The following RPTOR variants were observed in gnomAD, a reference collection of about 807,000 sequenced individuals.
RPTOR encodes the protein regulatory associated protein of MTOR complex 1.
In RPTOR, 21 loss-of-function variants were observed where a neutral mutation model predicts 169.9. That is an observed-to-expected ratio of 0.12 (90% confidence interval 0.09 to 0.18). The LOEUF is 0.18. Among genes scored for constraint, RPTOR ranks in the 10% least tolerant of loss-of-function variants. The pLI, the probability that RPTOR is intolerant of heterozygous loss-of-function variation, is 1.00. For synonymous variants in RPTOR, 732 were observed against 753.2 expected, an observed-to-expected ratio of 0.97 and a Z score of 0.46; for missense variants, 1,133 against 1,855.9, an observed-to-expected ratio of 0.61 and a Z score of 7.16.
At chr17:80,789,987 A>G (rs1161798089) in intron 6 of RPTOR, among the ~76,000 whole-genome samples, 1 of 152,260 alleles carries the variant, frequency 6.6e-6, no homozygotes, top group Non-Finnish European at 1.5e-5. Flanking sequence ...CATAGGACTC[A>G]GATTTGAAAA....
intron 25 of RPTOR, among the ~76,000 whole-genome samples, chr17:80,944,027 C>T (rs1360821335): frequency 2.6e-5 from 4 of 152,236 alleles, no homozygotes; most frequent in Admixed American, 2.6e-4. Flanking sequence ...CCCAGCTGCC[C>T]TTTCAGTCAC....
intron 24 of RPTOR, among the ~76,000 whole-genome samples, chr17:80,930,797 C>T (rs2068888424): frequency 6.6e-6 from 1 of 152,206 alleles, no homozygotes; most frequent in South Asian, 2.1e-4. Flanking sequence ...CTCTGGTGCT[C>T]GCAGTCTCCG....
chr17:80,689,470 G>A (rs2065973391), intron 3 of RPTOR, among the ~76,000 whole-genome samples: 1 of 152,226 alleles, frequency 6.6e-6, no homozygotes, highest in South Asian at 2.1e-4. Flanking sequence ...GTGGTCAGAG[G>A]AGATAATGTG....
rs1311736038 is a variant in RPTOR, at chr17:80,891,920, C to T, written c.2101+83C>T. On this transcript the variant is annotated intron_variant, in intron 18 of 33. Transcript: ENST00000306801. ...GCCGCGGCCCAGTCTTGCTCACCCTCGCAGAGTCTAAGCGCAGGTTTCTCA... is the reference window on the plus strand; with the variant it reads ...GCCGCGGCCCAGTCTTGCTCACCCTTGCAGAGTCTAAGCGCAGGTTTCTCA... 14 of 916,890 alleles carry T rather than the reference C, an allele frequency of 1.5e-5. 1 individual carries two copies. The highest frequency in any genetic ancestry group is 6.7e-5 in the African/African-American group (4 of 59,944). The allele number at this position is 916,890 out of a possible 1,614,324, so 56.8% of individuals were successfully genotyped here.
Position 80,545,466 on chromosome 17 carries a change from T to G in RPTOR, c.-164T>G. ...TCCCGCTCAGAGTTAGAGATAAGGATCTCAGACTTTTGCCTGAGTAAGGGT... is the reference window on the plus strand; with the variant it reads ...TCCCGCTCAGAGTTAGAGATAAGGAGCTCAGACTTTTGCCTGAGTAAGGGT... On this transcript the variant is annotated 5_prime_UTR_variant, in exon 1 of 34. Transcript: ENST00000306801. The G allele has an allele frequency of 1.8e-6, 1 of 545,914 alleles. No homozygotes were observed. The highest frequency in any genetic ancestry group is 3.2e-6 in the Non-Finnish European group (1 of 310,050). 33.8% of individuals were successfully genotyped at this position (545,914 alleles called of 1,614,324 possible).
chr17:80,760,300 C>CA, intron 6 of RPTOR, among the ~76,000 whole-genome samples: 1 of 96,494 alleles, frequency 1.0e-5, no homozygotes. Context: ...TTTCTTTTTT[C>CA]TTTTTTCTTT....
rs2066159739 is a variant in RPTOR at position 80,708,611 on chromosome 17, T to C, written c.507+612T>C. ...GTTGTCCCCACCCTCCAGGGTGTGG[T>C]GGGTGCTGACTGTCTCCTCATCCTC... On this transcript the variant is annotated intron_variant, in intron 4 of 33. Transcript: ENST00000306801. This position sits in a 1 kb window ranked among gnomAD's most constrained non-coding sequence, Gnocchi z 4.2. Among the ~76,000 whole-genome samples the C allele has an allele frequency of 7.2e-6, 1 of 138,572 alleles. No homozygotes were observed. 90.9% of individuals were successfully genotyped at this position (138,572 alleles called of 152,430 possible).
chr17:80,964,880 C>G lies in RPTOR; in HGVS notation c.*550C>G, dbSNP rs1417891492. 4.3e-6 allele frequency: 1 copy of G among 233,960 alleles called. No individual in the cohort carries two copies. The allele number at this position is 233,960 out of a possible 1,614,324, so 14.5% of individuals were successfully genotyped here. On this transcript the variant is annotated 3_prime_UTR_variant, in exon 34 of 34. Coordinates refer to ENST00000306801, the MANE Select transcript of RPTOR (RefSeq NM_020761.3). ...GGGGGACACTGGAAATTCGGGAAAC[C>G]AAGAGAGAGGAAGAAGGAGACGCCC...
chr17:80,791,353 G>A (rs2067046280), intron 6 of RPTOR, 97 bp from the exon 7 acceptor site: 1 of 1,020,708 alleles, frequency 9.8e-7, no homozygotes, highest in East Asian at 2.5e-5. Flanking sequence ...GGTAGTCCCT[G>A]TCCCCACCTT....
Position 80,860,636 on chromosome 17 carries a change from C to T in RPTOR, c.1509+2736C>T, listed in dbSNP as rs189299930. ...TGAGGGCTTCCACCTTGGAGGCAGG[C>T]GTCAGTCGTACCCAGCACCAGTTGA... On this transcript the variant is annotated intron_variant, in intron 13 of 33. Coordinates refer to ENST00000306801, the MANE Select transcript of RPTOR (RefSeq NM_020761.3). This position sits in a 1 kb window ranked among gnomAD's most constrained non-coding sequence, Gnocchi z 5.8. Among the ~76,000 whole-genome samples the T allele has an allele frequency of 3.4e-4, 52 of 152,184 alleles. No homozygotes were observed. The highest frequency in any genetic ancestry group is 1.4e-3 in the Admixed American group (22 of 15,290).
At chr17:80,586,830 T>C (rs1290365534) in intron 1 of RPTOR, among the ~76,000 whole-genome samples, 2 of 151,904 alleles carry the variant, frequency 1.3e-5, no homozygotes, top group African/African-American at 4.8e-5. Context: ...TAACCTGATA[T>C]GTTTCTCATG....
chr17:80,838,687 C>A (rs1044822600), intron 10 of RPTOR, among the ~76,000 whole-genome samples: 3 of 152,174 alleles, frequency 2.0e-5, no homozygotes, highest in African/African-American at 7.2e-5. Flanking sequence ...GCGGCAGACA[C>A]GGGGAGGCCA....
intron 3 of RPTOR, among the ~76,000 whole-genome samples, chr17:80,690,791 A>T (rs1442229960): frequency 6.6e-6 from 1 of 151,854 alleles, no homozygotes; most frequent in Admixed American, 6.6e-5. Flanking sequence ...AGATGGTGTT[A>T]TTGTTTCATT....
At chr17:80,696,400 A>G (rs1249130222) in intron 3 of RPTOR, among the ~76,000 whole-genome samples, 1 of 152,240 alleles carries the variant, frequency 6.6e-6, no homozygotes, top group African/African-American at 2.4e-5. Context: ...TCTGAGGTCC[A>G]TGTTGGGACA....
At chr17:80,732,125 G>A (rs1324973497) in intron 5 of RPTOR, among the ~76,000 whole-genome samples, 1 of 152,062 alleles carries the variant, frequency 6.6e-6, no homozygotes, top group African/African-American at 2.4e-5. Context: ...AGCATTGAGA[G>A]GTAATTTATT....
intron 1 of RPTOR, among the ~76,000 whole-genome samples, chr17:80,597,716 G>A (rs779698069): frequency 1.3e-5 from 2 of 151,672 alleles, no homozygotes; most frequent in Non-Finnish European, 2.9e-5. Context: ...GTCTCACTAT[G>A]TTGCCCAAGC....
rs533952204 is a variant in RPTOR at position 80,951,270 on chromosome 17, G to A, written c.3370+1723G>A. Among the ~76,000 whole-genome samples, 7 of 152,350 alleles carry A rather than the reference G, an allele frequency of 4.6e-5. No homozygotes were observed. The South Asian group carries it at 1.2e-3, about 27-fold the overall frequency. ...GGCCACGCTGCAGGAAACAAGACTT[G>A]GTGGCCTGTGCTGCCCCACGGGCTC... On this transcript the variant is annotated intron_variant, in intron 28 of 33. Coordinates refer to ENST00000306801, the MANE Select transcript of RPTOR (RefSeq NM_020761.3).
intron 5 of RPTOR, among the ~76,000 whole-genome samples, chr17:80,744,466 C>G (rs1428412042): frequency 5.0e-5 from 5 of 99,256 alleles, no homozygotes; most frequent in East Asian, 4.9e-4. Flanking sequence ...GTTACTAGCA[C>G]AGCCCTGGTT....
At chr17:80,946,615 G>A (rs546637943) in intron 26 of RPTOR, among the ~76,000 whole-genome samples, 1 of 152,388 alleles carries the variant, frequency 6.6e-6, no homozygotes, top group South Asian at 2.1e-4. Context: ...GCTCAGCGCA[G>A]TGTCTTTAAG....
Sources: allele counts gnomAD v4.1 joint callset (sites outside exome capture counted in the v4.1 genomes callset), GRCh38; gene constraint gnomAD v4.1.1; non-coding constraint Gnocchi (gnomAD v3.1); transcripts MANE v1.5; gene names NCBI Gene and HGNC (gene_info 2026-07-23, HGNC 2026-07-21).